The following NUP160 variants were observed in gnomAD, a reference collection of about 807,000 sequenced individuals.
NUP160 encodes nuclear pore complex protein Nup160.
Under a neutral mutation model 196.9 loss-of-function variants are expected in NUP160, and 94 were observed. The ratio of observed to expected loss-of-function variants is 0.48; its 90% CI spans 0.40 to 0.57. The LOEUF is 0.57. Ranked by LOEUF, NUP160 falls within the 20% of genes least tolerant of loss-of-function variation. NUP160 has a pLI of 0.00. For missense variants in NUP160, 1,638 were observed against 1,748.3 expected (o/e 0.94, Z 1.13); for synonymous variants, 605 against 619.7 (o/e 0.98, Z 0.35).
Position 47,792,690 on chromosome 11 carries a change from A to C in NUP160, c.3450+96T>G, listed in dbSNP as rs529630934. ...CTCAGTAGAAATTGTAAATCAAAAG[A>C]AGCAAAATGACACAATAGTTTTGAA... is the stretch of plus-strand genomic sequence containing the variant. On this transcript the variant is annotated intron_variant, in intron 28 of 35. Transcript: ENST00000378460. 8.2e-5 allele frequency: 96 copies of C among 1,171,568 alleles called. 1 individual carries two copies. Among genetic ancestry groups the C allele is most frequent in the Admixed American group, 5.1e-4 (19 of 37,324 alleles). 72.6% of individuals were successfully genotyped at this position (1,171,568 alleles called of 1,614,324 possible).
chr11:47,836,315 T>C (rs1249979786), intron 6 of NUP160, among the ~76,000 whole-genome samples: 1 of 152,148 alleles, frequency 6.6e-6, no homozygotes, highest in Non-Finnish European at 1.5e-5. Flanking sequence ...AAACATAAGA[T>C]CAGACTTATA....
intron 27 of NUP160, among the ~76,000 whole-genome samples, chr11:47,795,102 A>G (rs533717498): frequency 7.1e-4 from 108 of 152,320 alleles, no homozygotes; most frequent in African/African-American, 2.2e-3. Context: ...TGTCTCAAAA[A>G]AAAAAGAACA....
intron 22 of NUP160, among the ~76,000 whole-genome samples, chr11:47,802,142 G>A (rs2097674519): frequency 6.6e-6 from 1 of 152,092 alleles, no homozygotes; most frequent in Non-Finnish European, 1.5e-5. Context: ...CAATTAAAAA[G>A]TAAACATTGG....
intron 7 of NUP160, among the ~76,000 whole-genome samples, chr11:47,824,814 GTT>G (rs71045522): frequency 6.9e-6 from 1 of 144,440 alleles, no homozygotes; most frequent in African/African-American, 2.6e-5. Context: ...TTTTTCTTTT[GTT>G]TTTTTTTTTC....
At chr11:47,837,037 T>A (rs931121317) in intron 5 of NUP160, 36 bp from the exon 6 acceptor site, 11 of 1,179,506 alleles carry the variant, frequency 9.3e-6, no homozygotes, top group Non-Finnish European at 1.4e-5. Flanking sequence ...GTTTTACTGC[T>A]GCAAAGAATC....
At chr11:47,808,613 A>G (rs2097679163) in intron 17 of NUP160, 84 bp from the exon 18 acceptor site, 2 of 1,136,962 alleles carry the variant, frequency 1.8e-6, no homozygotes. Flanking sequence ...GAGGTAAAAT[A>G]AAATAACAAA....
exon 27 of NUP160, chr11:47,797,804 G>A: frequency 6.2e-7 from 1 of 1,612,762 alleles, no homozygotes; most frequent in East Asian, 2.2e-5. Flanking sequence ...GGCGATAGAT[G>A]TGAAAGGCAT....
At chr11:47,812,830 T>C in intron 15 of NUP160, 52 bp downstream of exon 15, 1 of 1,523,728 alleles carries the variant, frequency 6.6e-7, no homozygotes, top group Non-Finnish European at 8.9e-7. Flanking sequence ...ACTTTGGCGC[T>C]AAAAATGCTG....
chr11:47,785,159 C>G lies in NUP160; in HGVS notation c.3849-96G>C, dbSNP rs182362643. The G allele has an allele frequency of 4.4e-3, 2,353 of 534,222 alleles. 360 individuals carry two copies. The highest frequency in any genetic ancestry group is 0.019 in the Middle Eastern group (37 of 1,942). The allele number at this position is 534,222 out of a possible 1,614,324, so 33.1% of individuals were successfully genotyped here. On this transcript the variant is annotated intron_variant, in intron 32 of 35. Transcript: ENST00000378460. ...GTATTTACAAGGAAAACTTTTTTTT[C>G]AGACAGGGTCTTGCTCTGTCACCCA...
intron 2 of NUP160, among the ~76,000 whole-genome samples, chr11:47,846,431 C>A (rs529074013): frequency 3.7e-4 from 56 of 152,248 alleles, no homozygotes; most frequent in African/African-American, 1.3e-3. Flanking sequence ...CATATCTATC[C>A]AAAATCCATC....
chr11:47,833,790 G>C (rs1852119454), intron 7 of NUP160, among the ~76,000 whole-genome samples: 1 of 146,312 alleles, frequency 6.8e-6, no homozygotes. Context: ...GGTGGGCACT[G>C]TGCCTCTAGC....
chr11:47,847,822 G>A, intron 2 of NUP160, 26 bp downstream of exon 2: 2 of 1,507,458 alleles, frequency 1.3e-6, no homozygotes, highest in Non-Finnish European at 1.8e-6. Flanking sequence ...ACCTTCCAGG[G>A]GAGTTTGGCG....
intron 29 of NUP160, among the ~76,000 whole-genome samples, chr11:47,789,301 C>G (rs898587318): frequency 3.9e-5 from 6 of 152,162 alleles, no homozygotes; most frequent in Admixed American, 3.9e-4. Context: ...AGCCACTGCA[C>G]CTGGCCTCAT....
At chr11:47,806,092 G>T in intron 20 of NUP160, 61 bp downstream of exon 20, 1 of 1,508,962 alleles carries the variant, frequency 6.6e-7, no homozygotes, top group South Asian at 1.1e-5. Flanking sequence ...GGGATTACAG[G>T]TGTGAGCCAA....
intron 31 of NUP160, among the ~76,000 whole-genome samples, chr11:47,787,408 A>T (rs2097665200): frequency 1.3e-5 from 2 of 149,818 alleles, no homozygotes; most frequent in Admixed American, 1.3e-4. Context: ...GAAAGTTCAA[A>T]ATTATTTCTA....
At chr11:47,829,265 A>G (rs1013708463) in intron 7 of NUP160, among the ~76,000 whole-genome samples, 17 of 152,226 alleles carry the variant, frequency 1.1e-4, no homozygotes, top group African/African-American at 3.9e-4. Context: ...TATATGGACC[A>G]CATATACAAT....
intron 4 of NUP160, among the ~76,000 whole-genome samples, chr11:47,838,210 G>A (rs1852215509): frequency 6.6e-6 from 1 of 152,190 alleles, no homozygotes; most frequent in Admixed American, 6.5e-5. Flanking sequence ...GAGGGAATGA[G>A]CCAAGCTAGT....
At chr11:47,809,692 T>C (rs973173122) in intron 17 of NUP160, among the ~76,000 whole-genome samples, 2 of 135,446 alleles carry the variant, frequency 1.5e-5, no homozygotes, top group African/African-American at 2.8e-5. Flanking sequence ...AGGTTGCAGA[T>C]TGCACCACTG....
intron 27 of NUP160, among the ~76,000 whole-genome samples, chr11:47,795,027 G>A (rs570037906): frequency 1.3e-5 from 2 of 152,016 alleles, no homozygotes; most frequent in Non-Finnish European, 1.5e-5. Context: ...CTTGAACCTG[G>A]AAGTGGAGGT....
Sources: allele counts gnomAD v4.1 joint callset (sites outside exome capture counted in the v4.1 genomes callset), GRCh38; gene constraint gnomAD v4.1.1; transcripts MANE v1.5; gene names NCBI Gene and HGNC (gene_info 2026-07-23, HGNC 2026-07-21).